Variants in GRIK2 observed in about 807,000 individuals in gnomAD.
GRIK2 encodes glutamate ionotropic receptor kainate type subunit 2.
A neutral mutation model predicts 100.3 loss-of-function variants in GRIK2; 32 were observed. That is an observed-to-expected ratio of 0.32 (90% CI 0.24 to 0.43). GRIK2 has a LOEUF of 0.43. GRIK2 is among the 20% of genes least tolerant of loss of function. The pLI is 1.00. For synonymous variants in GRIK2, 417 were observed against 389.4 expected, an observed-to-expected ratio of 1.07 and a Z score of -0.83; for missense variants, 843 against 1,114.9, an observed-to-expected ratio of 0.76 and a Z score of 3.47.
chr6:101,399,807 C>T (rs754243882), intron 2 of GRIK2, among the ~76,000 whole-genome samples: 2 of 152,236 alleles, frequency 1.3e-5, no homozygotes, highest in Admixed American at 6.5e-5. Context: ...CACCTGGTAA[C>T]TCTTTGGCGA....
At chr6:101,672,575 T>A (rs564484422) in intron 4 of GRIK2, among the ~76,000 whole-genome samples, 3 of 151,794 alleles carry the variant, frequency 2.0e-5, no homozygotes, top group South Asian at 4.2e-4. Context: ...TTTTATGTGT[T>A]TTTTTTTCCA....
intron 11 of GRIK2, among the ~76,000 whole-genome samples, chr6:101,875,834 C>A (rs1244740084): frequency 1.3e-5 from 2 of 151,902 alleles, no homozygotes; most frequent in East Asian, 3.9e-4. Context: ...ATCAACCATT[C>A]TGCTGACATC....
chr6:101,604,911 G>T (rs1405110636), intron 2 of GRIK2, among the ~76,000 whole-genome samples: 1 of 151,910 alleles, frequency 6.6e-6, no homozygotes, highest in African/African-American at 2.4e-5. Context: ...TTTAAAATAG[G>T]TGTAGAAATT....
At chr6:101,506,281 A>G (rs1774022581) in intron 2 of GRIK2, among the ~76,000 whole-genome samples, 1 of 152,136 alleles carries the variant, frequency 6.6e-6, no homozygotes, top group South Asian at 2.1e-4. Context: ...TCCAAGTAAA[A>G]GAAGTTGGAC....
intron 10 of GRIK2, among the ~76,000 whole-genome samples, chr6:101,849,600 A>G (rs1783998586): frequency 6.6e-6 from 1 of 152,062 alleles, no homozygotes; most frequent in Admixed American, 6.6e-5. Flanking sequence ...CTTACTAGTT[A>G]TGATTTAATG....
chr6:102,026,387 C>T (rs1188549140), intron 14 of GRIK2, among the ~76,000 whole-genome samples: 1 of 150,652 alleles, frequency 6.6e-6, no homozygotes, highest in Admixed American at 6.7e-5. Flanking sequence ...ATGGCTTATC[C>T]AAGGTCCTTC....
chr6:101,676,733 A>G lies in GRIK2; in HGVS notation c.652A>G (p.Met218Val). The change falls in exon 5 of 17, where the codon ATG (methionine) becomes GTG (valine). Residue 218 changes from methionine to valine, a missense_variant. By Grantham distance (21) the Met-to-Val change is conservative. Transcript: ENST00000369134. ...GGATGCAAAACCCTTACTAAAAGAA[A>G]TGAAAAGAGGCAAGGAGTTTCATGT... ...TKDAKPLLKE[M>V]KRGKEFHVIF... The G allele has an allele frequency of 6.2e-7, 1 of 1,609,700 alleles. No individual in the cohort carries two copies. The highest frequency in any genetic ancestry group is 1.1e-5 in the South Asian group (1 of 90,484).
chr6:101,655,134 C>T (rs1781996150), intron 4 of GRIK2, among the ~76,000 whole-genome samples: 1 of 152,142 alleles, frequency 6.6e-6, no homozygotes, highest in Admixed American at 6.6e-5. Context: ...ATTTAATACT[C>T]ATTCCTATCC....
rs1785465282 is a variant in GRIK2, at chr6:101,872,126, C to A, written c.1524+12633C>A. Among the ~76,000 whole-genome samples, 6 of 151,862 alleles carry A rather than the reference C, an allele frequency of 4.0e-5. No individual in the cohort carries two copies. In the Admixed American group the frequency reaches 4.0e-4, roughly 10 times the overall value. On this transcript the variant is annotated intron_variant, in intron 11 of 16. Transcript: ENST00000369134. ...ATGTGGTTTTCATAATAATTGTATA[C>A]TTCACATTGCAATCACCCAGGAATA...
intron 12 of GRIK2, among the ~76,000 whole-genome samples, chr6:101,912,031 ATT>A (rs1194506056): frequency 6.8e-6 from 1 of 147,614 alleles, no homozygotes; most frequent in East Asian, 2.1e-4. Flanking sequence ...AGCTTTAGTG[ATT>A]ACCAGGGGCA....
intron 7 of GRIK2, among the ~76,000 whole-genome samples, chr6:101,729,108 G>A (rs767433318): frequency 6.6e-6 from 1 of 151,970 alleles, no homozygotes; most frequent in Admixed American, 6.6e-5. Flanking sequence ...GCTGAGGAAT[G>A]CACTGTAATT....
chr6:101,863,377 C>T (rs1241313835), intron 11 of GRIK2, among the ~76,000 whole-genome samples: 2 of 152,160 alleles, frequency 1.3e-5, no homozygotes, highest in Non-Finnish European at 2.9e-5. Flanking sequence ...TTCCTCTTGT[C>T]AACTGTTTAA....
chr6:101,597,251 A>G (rs1778969631), intron 2 of GRIK2, among the ~76,000 whole-genome samples: 1 of 151,456 alleles, frequency 6.6e-6, no homozygotes, highest in Non-Finnish European at 1.5e-5. Context: ...GAGGGGAAGA[A>G]AGGTTGAAAA....
intron 2 of GRIK2, among the ~76,000 whole-genome samples, chr6:101,567,178 T>C (rs946292479): frequency 5.9e-5 from 9 of 151,856 alleles, no homozygotes; most frequent in African/African-American, 2.2e-4. Context: ...TAAATATTTT[T>C]TGATGGCATT....
intron 14 of GRIK2, among the ~76,000 whole-genome samples, chr6:102,001,306 T>C (rs1000056485): frequency 6.6e-6 from 1 of 151,738 alleles, no homozygotes; most frequent in Admixed American, 6.6e-5. Context: ...GTCATCTAGG[T>C]TTTAAGCACC....
chr6:102,042,184 A>C (rs570019064), intron 15 of GRIK2, among the ~76,000 whole-genome samples: 1 of 151,808 alleles, frequency 6.6e-6, no homozygotes, highest in East Asian at 1.9e-4. Flanking sequence ...TATTAGGAGA[A>C]GTATCATCTC....
At chr6:101,757,433 ATAAC>A (rs1278621348) in intron 7 of GRIK2, among the ~76,000 whole-genome samples, 1 of 152,234 alleles carries the variant, frequency 6.6e-6, no homozygotes. Context: ...AGTGATAATA[ATAAC>A]TATGTTTTCC....
intron 14 of GRIK2, among the ~76,000 whole-genome samples, chr6:102,013,932 T>C (rs1348119721): frequency 1.3e-5 from 2 of 152,140 alleles, no homozygotes; most frequent in Non-Finnish European, 2.9e-5. Flanking sequence ...ATCAGAATGA[T>C]GTCAGCCTCA....
intron 11 of GRIK2, among the ~76,000 whole-genome samples, chr6:101,879,285 C>A (rs748413403): frequency 6.6e-6 from 1 of 152,054 alleles, no homozygotes; most frequent in Non-Finnish European, 1.5e-5. Flanking sequence ...TTTCCCATTG[C>A]TGTTTTAATT....
Sources: gnomAD v4.1 joint callset for allele counts (sites outside exome capture counted in the v4.1 genomes callset) on GRCh38, gnomAD v4.1.1 for gene constraint, MANE v1.5 for transcripts, NCBI Gene and HGNC (gene_info 2026-07-23, HGNC 2026-07-21) for gene names.